The following ADGRD1 variants were observed in gnomAD, a reference collection of about 807,000 sequenced individuals.
ADGRD1 encodes the protein adhesion G protein-coupled receptor D1.
Under a neutral mutation model 113.4 loss-of-function variants are expected in ADGRD1, and 77 were observed. The ratio of observed to expected loss-of-function variants is 0.68; its 90% confidence interval spans 0.57 to 0.82. The LOEUF is 0.82. ADGRD1 is among the 40% of genes least tolerant of loss of function. ADGRD1 has a pLI of 0.00. For missense variants in ADGRD1, 1,036 were observed against 1,139.1 expected (o/e 0.91, Z 1.30); for synonymous variants, 474 against 475.0 (o/e 1.00, Z 0.03).
chr12:130,999,096 A>G (rs1309476348), intron 8 of ADGRD1, among the ~76,000 whole-genome samples: 1 of 152,244 alleles, frequency 6.6e-6, no homozygotes, highest in Non-Finnish European at 1.5e-5. Context: ...GCTGCTAGAA[A>G]ATTTAAAATG....
intron 20 of ADGRD1, among the ~76,000 whole-genome samples, chr12:131,125,876 T>C (rs572133512): frequency 6.6e-6 from 1 of 152,318 alleles, no homozygotes; most frequent in African/African-American, 2.4e-5. Flanking sequence ...TATAATGCAA[T>C]GTTGAATATC....
At chr12:130,998,374 C>G (rs1286980884) in intron 8 of ADGRD1, among the ~76,000 whole-genome samples, 1 of 152,176 alleles carries the variant, frequency 6.6e-6, no homozygotes, top group African/African-American at 2.4e-5. Flanking sequence ...TGCAGATTTA[C>G]CCAAAACCCC....
chr12:131,087,400 T>C (rs1404871409), intron 15 of ADGRD1, among the ~76,000 whole-genome samples: 3 of 152,136 alleles, frequency 2.0e-5, no homozygotes, highest in Admixed American at 2.0e-4. Context: ...TGAGATGAAA[T>C]GTCAGGTGAC....
chr12:131,139,876 C>G lies in ADGRD1; in HGVS notation c.*613C>G, dbSNP rs1158593207. 6.6e-6 allele frequency: 1 copy of G among 152,580 alleles called. No individual in the cohort carries two copies. The highest frequency in any genetic ancestry group is 1.5e-5 in the Non-Finnish European group (1 of 68,332). The allele number at this position is 152,580 out of a possible 1,614,324, so 9.5% of individuals were successfully genotyped here. ...CTGTGTCATCAGTTGGGGGCCCCTGCCCAAGCCGAGCTCGAGCCGTGGGCG... is the reference window on the plus strand; with the variant it reads ...CTGTGTCATCAGTTGGGGGCCCCTGGCCAAGCCGAGCTCGAGCCGTGGGCG... On this transcript the variant is annotated 3_prime_UTR_variant, in exon 25 of 25. Coordinates refer to ENST00000261654, the MANE Select transcript of ADGRD1 (RefSeq NM_198827.5).
At chr12:130,997,012 G>A (rs1342146979) in intron 8 of ADGRD1, among the ~76,000 whole-genome samples, 1 of 130,796 alleles carries the variant, frequency 7.6e-6, no homozygotes, top group Non-Finnish European at 1.6e-5. Context: ...GCGGGGGGCT[G>A]ACCCCCCCAC....
intron 15 of ADGRD1, among the ~76,000 whole-genome samples, chr12:131,087,595 G>A (rs1245266017): frequency 2.0e-5 from 3 of 152,218 alleles, no homozygotes; most frequent in African/African-American, 7.2e-5. Flanking sequence ...CCCACCCGTT[G>A]CCCGCACCCT....
chr12:131,041,488 GGAGACC>G lies in ADGRD1; in HGVS notation c.1473+27161_1473+27166del, dbSNP rs1326512379. ...AGGGTATAACTAGTGACCTTGGCAG[GGAGACC>G]GAGACCGAGACCACTTTGTGACCTC... On this transcript the variant is annotated intron_variant, in intron 13 of 24. Transcript: ENST00000261654. The surrounding 1 kb of genome is among the most constrained non-coding windows in gnomAD (Gnocchi z 4.4). Among the ~76,000 whole-genome samples the G allele has an allele frequency of 1.3e-5, 2 of 152,188 alleles. No homozygotes were observed. Among genetic ancestry groups the G allele is most frequent in the African/African-American group, 2.4e-5 (1 of 41,436 alleles).
rs1434449754 is a variant in ADGRD1, at chr12:130,979,826, C to CACACACACACACACAT, written c.311-2043_311-2042insTACACACACACACACA. 1.2e-4 allele frequency among the ~76,000 whole-genome samples: 16 copies of CACACACACACACACAT among 136,294 alleles called. No homozygotes were observed. In the East Asian group the frequency reaches 3.2e-3, roughly 27 times the overall value. The allele number at this position is 136,294 out of a possible 152,430, so 89.4% of individuals were successfully genotyped here. A position where few individuals can be genotyped will look rare whatever the true frequency, so the allele number is the denominator to read the frequency against. On this transcript the variant is annotated intron_variant, in intron 4 of 24. Transcript: ENST00000261654. ...ACAGGCAGCTAGTGTCTCACACACA[C>CACACACACACACACAT]ACACACACACACACACACACACACA...
At chr12:130,996,287 T>C (rs1875329032) in intron 8 of ADGRD1, among the ~76,000 whole-genome samples, 1 of 145,884 alleles carries the variant, frequency 6.9e-6, no homozygotes, top group South Asian at 2.2e-4. Flanking sequence ...CAATGAGCTG[T>C]TGGGTACACC....
intron 13 of ADGRD1, among the ~76,000 whole-genome samples, chr12:131,016,818 G>T (rs1250059063): frequency 6.6e-6 from 1 of 152,126 alleles, no homozygotes; most frequent in East Asian, 1.9e-4. Context: ...ACTTGAACCC[G>T]GGAGGCAGAG....
At chr12:131,009,795 C>CGT (rs142172934) in intron 12 of ADGRD1, among the ~76,000 whole-genome samples, 14 of 151,978 alleles carry the variant, frequency 9.2e-5, no homozygotes, top group Non-Finnish European at 1.6e-4. Flanking sequence ...CATACATGTG[C>CGT]GTGTGTGTGT....
chr12:131,105,221 G>T (rs184435636), intron 16 of ADGRD1, among the ~76,000 whole-genome samples: 45 of 152,248 alleles, frequency 3.0e-4, no homozygotes, highest in Non-Finnish European at 5.7e-4. Flanking sequence ...TTGAGGGCCC[G>T]ACTGTGCCCA....
chr12:131,109,499 CATTG>C (rs1459674460), intron 18 of ADGRD1, among the ~76,000 whole-genome samples: 1 of 152,060 alleles, frequency 6.6e-6, no homozygotes, highest in East Asian at 1.9e-4. Flanking sequence ...TTATTTGACC[CATTG>C]ATTATTTATG....
intron 13 of ADGRD1, among the ~76,000 whole-genome samples, chr12:131,040,764 AC>A: frequency 6.6e-6 from 1 of 152,344 alleles, no homozygotes; most frequent in Middle Eastern, 3.4e-3. Flanking sequence ...ATCGCATGCG[AC>A]AGTCATTTGG....
intron 15 of ADGRD1, among the ~76,000 whole-genome samples, chr12:131,088,498 G>A (rs550398474): frequency 6.6e-6 from 1 of 152,222 alleles, no homozygotes. Context: ...AGAAGGTGGC[G>A]GTGGATTTTA....
At chr12:130,959,991 C>T (rs920029244) in intron 2 of ADGRD1, among the ~76,000 whole-genome samples, 7 of 152,192 alleles carry the variant, frequency 4.6e-5, no homozygotes, top group Admixed American at 4.6e-4. Flanking sequence ...GGGCCCCTCC[C>T]CACATCTGGA....
At chr12:131,005,379 G>A (rs1055181733) in intron 11 of ADGRD1, among the ~76,000 whole-genome samples, 4 of 152,210 alleles carry the variant, frequency 2.6e-5, no homozygotes, top group African/African-American at 4.8e-5. Context: ...TGGCAGAGCC[G>A]TGGCCGAGCC....
In ADGRD1 at chr12:131,014,308, C is replaced by A; in HGVS notation, c.1441C>A (p.Pro481Thr). ...PTLSQNLSGS[P>T]LITVHLKHRL... Reference sequence around the variant, plus strand: ...CCTGTCTCAGAACCTGTCGGGCTCTCCACTCATTACGGTCCACCTCAAGCA... The same window carrying A: ...CCTGTCTCAGAACCTGTCGGGCTCTACACTCATTACGGTCCACCTCAAGCA... The change falls in exon 13 of 25, where the codon CCA becomes ACA. Residue 481 changes from proline to threonine, a missense_variant. Transcript: ENST00000261654. 2 of 1,614,060 alleles carry A rather than the reference C, an allele frequency of 1.2e-6. No homozygotes were observed. Among genetic ancestry groups the A allele is most frequent in the Non-Finnish European group, 1.7e-6 (2 of 1,179,936 alleles).
intron 12 of ADGRD1, among the ~76,000 whole-genome samples, chr12:131,012,051 G>T (rs1566028048): frequency 6.6e-6 from 1 of 152,198 alleles, no homozygotes; most frequent in Non-Finnish European, 1.5e-5. Flanking sequence ...AATGTTCTCA[G>T]ACGGTGAATG....
Sources: allele counts gnomAD v4.1 joint callset (sites outside exome capture counted in the v4.1 genomes callset), GRCh38; gene constraint gnomAD v4.1.1; non-coding constraint Gnocchi (gnomAD v3.1); transcripts MANE v1.5; gene names NCBI Gene and HGNC (gene_info 2026-07-23, HGNC 2026-07-21).